The following SPIDR variants were observed in gnomAD, a reference collection of about 807,000 sequenced individuals.
SPIDR encodes the protein scaffold protein involved in DNA repair.
In SPIDR, 93 loss-of-function variants were observed where a neutral mutation model predicts 104.6. The ratio of observed to expected loss-of-function variants is 0.89; its 90% CI spans 0.75 to 1.06. The LOEUF is 1.06. Ranked by LOEUF, SPIDR falls within the 50% of genes least tolerant of loss-of-function variation. SPIDR has a pLI of 0.00. For missense variants in SPIDR, 1,154 were observed against 1,111.2 expected (o/e 1.04, Z -0.55); for synonymous variants, 431 against 416.9 (o/e 1.03, Z -0.41).
chr8:47,355,473 A>G (rs1311254556), intron 5 of SPIDR, among the ~76,000 whole-genome samples: 1 of 152,214 alleles, frequency 6.6e-6, no homozygotes, highest in East Asian at 1.9e-4. Context: ...ATGCGTAACA[A>G]CCACAGCTCA....
chr8:47,438,389 C>T (rs2068763405), intron 7 of SPIDR, among the ~76,000 whole-genome samples: 1 of 152,194 alleles, frequency 6.6e-6, no homozygotes, highest in East Asian at 1.9e-4. Flanking sequence ...TAGGGCTTTT[C>T]CCTTTGCTTC....
chr8:47,360,025 A>C (rs573509548), intron 5 of SPIDR, among the ~76,000 whole-genome samples: 2 of 152,114 alleles, frequency 1.3e-5, no homozygotes, highest in East Asian at 3.9e-4. Context: ...GGCGGATCAC[A>C]AGGTCAGGAG....
At chr8:47,572,282 C>T (rs367576698) in intron 8 of SPIDR, among the ~76,000 whole-genome samples, 1 of 152,132 alleles carries the variant, frequency 6.6e-6, no homozygotes, top group South Asian at 2.1e-4. Context: ...TCTTAACATA[C>T]ATCTATCTTT....
At chr8:47,277,634 G>C (rs2036790571) in intron 1 of SPIDR, among the ~76,000 whole-genome samples, 1 of 149,564 alleles carries the variant, frequency 6.7e-6, no homozygotes, top group Admixed American at 6.7e-5. Flanking sequence ...GGGATTACAG[G>C]TGTGACCCAT....
chr8:47,582,125 G>A (rs2059768908), intron 8 of SPIDR, among the ~76,000 whole-genome samples: 6 of 151,680 alleles, frequency 4.0e-5, no homozygotes. Flanking sequence ...TCTGAAGCAG[G>A]AGAATTGCTT....
chr8:47,488,676 G>A (rs563121638), intron 8 of SPIDR, among the ~76,000 whole-genome samples: 3 of 152,216 alleles, frequency 2.0e-5, no homozygotes, highest in Admixed American at 6.5e-5. Flanking sequence ...CTTCATCCCG[G>A]GGATGCAAGG....
chr8:47,506,186 TG>T (rs1249033956), intron 8 of SPIDR, among the ~76,000 whole-genome samples: 8 of 152,184 alleles, frequency 5.3e-5, no homozygotes, highest in Non-Finnish European at 1.2e-4. Context: ...CCTACCCACC[TG>T]GAAGTAACAC....
intron 16 of SPIDR, among the ~76,000 whole-genome samples, chr8:47,714,059 G>T (rs2082237231): frequency 6.6e-6 from 1 of 152,108 alleles, no homozygotes; most frequent in Non-Finnish European, 1.5e-5. Context: ...GTGAGCAGGG[G>T]TGTCTGGGAA....
chr8:47,309,424 A>G (rs1005464169), intron 5 of SPIDR, among the ~76,000 whole-genome samples: 1 of 152,120 alleles, frequency 6.6e-6, no homozygotes. Flanking sequence ...TATTCTCTTT[A>G]TGAAAGTGAG....
At chr8:47,354,793 C>T (rs2054206074) in intron 5 of SPIDR, among the ~76,000 whole-genome samples, 1 of 151,738 alleles carries the variant, frequency 6.6e-6, no homozygotes, top group Admixed American at 6.6e-5. Context: ...AGGCACGTAC[C>T]ACCATGCCTG....
chr8:47,620,754 A>T (rs2065033903), intron 10 of SPIDR, among the ~76,000 whole-genome samples: 1 of 150,418 alleles, frequency 6.6e-6, no homozygotes, highest in African/African-American at 2.5e-5. Context: ...TGTAGCTGGG[A>T]CTACAGGCAC....
At chr8:47,448,261 T>A (rs2071053337) in intron 8 of SPIDR, among the ~76,000 whole-genome samples, 1 of 152,238 alleles carries the variant, frequency 6.6e-6, no homozygotes, top group Non-Finnish European at 1.5e-5. Context: ...CCTAGAATAA[T>A]GCTTGAAACA....
At chr8:47,673,728 G>T in intron 10 of SPIDR, 73 bp from the exon 11 acceptor site, 1 of 1,595,966 alleles carries the variant, frequency 6.3e-7, no homozygotes, top group Non-Finnish European at 8.6e-7. Flanking sequence ...TTATAATGAA[G>T]AAGAGGGAAA....
intron 8 of SPIDR, among the ~76,000 whole-genome samples, chr8:47,543,096 C>T (rs969338128): frequency 5.3e-5 from 8 of 152,122 alleles, no homozygotes; most frequent in African/African-American, 1.2e-4. Context: ...CATGGAAGGA[C>T]GTCCAACTTT....
Position 47,595,766 on chromosome 8 carries a change from C to T in SPIDR, c.1098-45C>T, listed in dbSNP as rs1275329380. The T allele has an allele frequency of 2.5e-6, 4 of 1,575,942 alleles. No homozygotes were observed. In the Admixed American group the frequency reaches 5.1e-5, roughly 20 times the overall value. On this transcript the variant is annotated intron_variant, in intron 8 of 19. Transcript: ENST00000297423. The stretch of plus-strand genomic sequence containing the variant: ...CTGATTTAGCAAGAATATGAGGGGA[C>T]CCCAATATTGCAAAGAAACTGTTGC...
At chr8:47,485,322 G>A (rs998359742) in intron 8 of SPIDR, among the ~76,000 whole-genome samples, 26 of 152,230 alleles carry the variant, frequency 1.7e-4, no homozygotes, top group African/African-American at 6.0e-4. Context: ...GCCTGCCATT[G>A]CTGAGGCTTG....
chr8:47,599,950 GT>G (rs1273807040), intron 10 of SPIDR, among the ~76,000 whole-genome samples: 1 of 152,136 alleles, frequency 6.6e-6, no homozygotes, highest in African/African-American at 2.4e-5. Flanking sequence ...TAGAGACAAG[GT>G]TTTGCTATGT....
intron 8 of SPIDR, among the ~76,000 whole-genome samples, chr8:47,508,942 A>T (rs1282051580): frequency 6.6e-6 from 1 of 150,598 alleles, no homozygotes; most frequent in African/African-American, 2.4e-5. Context: ...CTTCCATTTT[A>T]TATATATATA....
In SPIDR at chr8:47,678,928, A is replaced by T. The variant is rs140525868; in HGVS notation, c.1685+4987A>T. On this transcript the variant is annotated intron_variant, in intron 11 of 19. Transcript: ENST00000297423. ...CAGAAAAATAACCATCTGAGTCAGG[A>T]TAGAAAGTTCCTTTGTAGCCCCCAG... Among the ~76,000 whole-genome samples the T allele has an allele frequency of 2.2e-3, 329 of 152,296 alleles. 1 individual carries two copies. The highest frequency in any genetic ancestry group is 7.7e-3 in the African/African-American group (319 of 41,568).
Sources: allele counts gnomAD v4.1 joint callset (sites outside exome capture counted in the v4.1 genomes callset), GRCh38; gene constraint gnomAD v4.1.1; transcripts MANE v1.5; gene names NCBI Gene and HGNC (gene_info 2026-07-23, HGNC 2026-07-21).